Variants in TSC2 observed in about 807,000 individuals in gnomAD.
The protein encoded by TSC2 is tuberin.
A neutral mutation model predicts 202.2 loss-of-function variants in TSC2; 29 were observed. The observed-to-expected ratio is 0.14, with a 90% CI of 0.11 to 0.20. The LOEUF is 0.20. Among genes scored for constraint, TSC2 ranks in the 10% least tolerant of loss-of-function variants. The pLI, the probability that TSC2 is intolerant of heterozygous loss-of-function variation, is 1.00. For synonymous variants in TSC2, 1,349 were observed against 1,044.0 expected (o/e 1.29, Z -5.63); for missense variants, 2,429 against 2,420.0 (o/e 1.00, Z -0.08).
chr16:2,063,363 C>A (rs1288288500), intron 14 of TSC2: 10 of 529,606 alleles, frequency 1.9e-5, no homozygotes, highest in Non-Finnish European at 3.4e-5. Flanking sequence ...TCGTTTCAGC[C>A]AGTCTTGCAT....
rs2090868794 is a variant in TSC2, at chr16:2,086,859, T to G, written c.4977T>G (p.Leu1659=). The part of the protein sequence containing the change: ...VYNDSGEDFK[L]GTIKGQFNFV... ...ATGACTCCGGTGAGGACTTCAAGCT[T>G]GGCACCATCAAGGTGAGTGAGGGGC... Residue 1659 remains leucine, a synonymous_variant, in exon 38 of 42, where the codon CTT becomes CTG. Transcript: ENST00000219476. 1 of 1,594,202 alleles carries G rather than the reference T, an allele frequency of 6.3e-7. No individual in the cohort carries two copies. The highest frequency in any genetic ancestry group is 1.3e-5 in the African/African-American group (1 of 74,480).
chr16:2,061,266 C>T (rs1369829800), intron 11 of TSC2: 3 of 301,178 alleles, frequency 1.0e-5, no homozygotes, highest in East Asian at 1.7e-4. Context: ...GGCTAGTATC[C>T]AGCAGCCTCA....
At chr16:2,077,236 G>A (rs2089518932) in intron 25 of TSC2, among the ~76,000 whole-genome samples, 1 of 152,244 alleles carries the variant, frequency 6.6e-6, no homozygotes, top group Admixed American at 6.5e-5. Flanking sequence ...CTCGGTCAGA[G>A]CTGGGCGGTG....
At chr16:2,065,345 G>A (rs569889598) in intron 15 of TSC2, 174 bp from the exon 16 acceptor site, 13 of 650,462 alleles carry the variant, frequency 2.0e-5, no homozygotes, top group Middle Eastern at 4.1e-4. Flanking sequence ...CCTGGGAGGC[G>A]GAGCTTGTAG....
intron 32 of TSC2, chr16:2,082,997 G>A (rs2090322259): frequency 2.4e-6 from 1 of 415,370 alleles, no homozygotes; most frequent in Non-Finnish European, 4.9e-6. Context: ...GGGGAGTGCT[G>A]TGACCTGCAT....
At position 2,048,498 on chromosome 16, in the gene TSC2, A is replaced by T. The variant is rs573308920; in HGVS notation, c.-29-89A>T. 2.4e-4 allele frequency: 363 copies of T among 1,528,348 alleles called. 1 individual carries two copies. In the African/African-American group the frequency reaches 4.6e-3, roughly 19 times the overall value. 94.7% of individuals were successfully genotyped at this position (1,528,348 alleles called of 1,614,324 possible). On this transcript the variant is annotated intron_variant, in intron 1 of 41. Coordinates refer to ENST00000219476, the MANE Select transcript of TSC2 (RefSeq NM_000548.5). ...GGAGGAAAGGTTATGCCCACCAGAG[A>T]CCCAGGGTCCTGACGGCTGGAGGTC... is the stretch of plus-strand genomic sequence containing the variant.
chr16:2,061,674 G>A (rs1040250049), intron 11 of TSC2, 197 bp from the exon 12 acceptor site: 1 of 851,104 alleles, frequency 1.2e-6, no homozygotes, highest in Non-Finnish European at 1.9e-6. Flanking sequence ...GGTGGCCCCT[G>A]GAGAGGATCT....
chr16:2,057,448 C>T (rs894744815), intron 9 of TSC2, among the ~76,000 whole-genome samples: 1 of 152,170 alleles, frequency 6.6e-6, no homozygotes, highest in Non-Finnish European at 1.5e-5. Context: ...ACTACTTAGC[C>T]TGTTACAAGG....
rs1277430773 is a variant in TSC2, at chr16:2,075,848, T to C, written c.2595T>C (p.Tyr865=). ...ACAGGAACTTTGCCGCGGAGCAGTA[T>C]GCCAGTGTGTTCGCCATCTCCCTGC... The part of the protein sequence containing the change: ...HLYRNFAAEQ[Y]ASVFAISLPY... The change falls in exon 23 of 42, where the codon TAT becomes TAC. Residue 865 remains tyrosine (Y), a synonymous_variant. Coordinates refer to ENST00000219476, the MANE Select transcript of TSC2 (RefSeq NM_000548.5). 2.5e-6 allele frequency: 4 copies of C among 1,613,004 alleles called. No individual in the cohort carries two copies. In the Admixed American group the frequency reaches 6.7e-5, roughly 27 times the overall value.
rs1049520971 is a variant in TSC2 at position 2,053,578 on chromosome 16, G to A, written c.336+126G>A. On this transcript the variant is annotated intron_variant, in intron 4 of 41. Transcript: ENST00000219476. ...GGGCACAGGGTCTAGGGGCTGATGG[G>A]CTCTGGAGCTGGATGGCCTGTGGGG... 1.1e-5 allele frequency: 11 copies of A among 975,512 alleles called. No homozygotes were observed. In the Middle Eastern group the frequency reaches 8.2e-4, roughly 73 times the overall value. 60.4% of individuals were successfully genotyped at this position (975,512 alleles called of 1,614,324 possible).
intron 8 of TSC2, 163 bp from the exon 9 acceptor site, chr16:2,056,942 G>A: frequency 7.2e-7 from 1 of 1,382,792 alleles, no homozygotes; most frequent in Non-Finnish European, 1.0e-6. Context: ...GGTTTTGGTG[G>A]CATTTTGAGA....
rs1336362677 is a variant in TSC2 at position 2,053,381 on chromosome 16, T to C, written c.265T>C (p.Leu89=). ...EALWKAVADL[L]QPERPLEARH... is the part of the protein sequence containing the mutation. ...ACTCTGGAAGGCGGTCGCGGATCTG[T>C]TGCAGCCGGAGCGGCCGCTGGAGGC... The change falls in exon 4 of 42, where the codon TTG becomes CTG. Residue 89 remains leucine (L), a synonymous_variant. Transcript: ENST00000219476. The C allele has an allele frequency of 6.3e-7, 1 of 1,592,700 alleles. No homozygotes were observed. Among genetic ancestry groups the C allele is most frequent in the Admixed American group, 1.7e-5 (1 of 57,178 alleles).
intron 38 of TSC2, among the ~76,000 whole-genome samples, chr16:2,087,659 A>G (rs2091005604): frequency 1.3e-5 from 2 of 152,140 alleles, no homozygotes. Context: ...TGGCTGCAGC[A>G]TATGTGGGTG....
At position 2,083,824 on chromosome 16, in the gene TSC2, T is replaced by C. The variant is rs1337353756; in HGVS notation, c.4005+8T>C. On this transcript the variant is annotated splice_region_variant and intron_variant, in intron 33 of 41. Coordinates refer to ENST00000219476, the MANE Select transcript of TSC2 (RefSeq NM_000548.5). ...ACGGATGCCTACAGCAGGGTGAGTG[T>C]GGCTCAGAGCCTGGACCCTGCTGAC... 1 of 1,609,852 alleles carries C rather than the reference T, an allele frequency of 6.2e-7. No homozygotes were observed. Among genetic ancestry groups the C allele is most frequent in the East Asian group, 2.2e-5 (1 of 44,796 alleles).
intron 10 of TSC2, among the ~76,000 whole-genome samples, chr16:2,059,343 T>C (rs1263589564): frequency 6.8e-5 from 10 of 147,686 alleles, no homozygotes; most frequent in Non-Finnish European, 1.2e-4. Flanking sequence ...TCTCTCTTTT[T>C]TTTTTTTTTT....
chr16:2,070,554 A>G lies in TSC2; in HGVS notation c.1815A>G (p.Pro605=), dbSNP rs961687056. The G allele has an allele frequency of 2.5e-6, 4 of 1,613,056 alleles. No individual in the cohort carries two copies. The African/African-American group carries it at 4.0e-5, about 16-fold the overall frequency. Residue 605 remains proline (P), a synonymous_variant, in exon 17 of 42, where the codon CCA becomes CCG. Transcript: ENST00000219476. The part of the protein sequence containing the change: ...QLHYKHSYTL[P]IASSIRLQAF... ...ACTACAAGCACAGCTACACCCTGCC[A>G]ATCGCGAGCAGCATCCGGCTGCAGG... is the stretch of plus-strand genomic sequence containing the variant.
intron 16 of TSC2, among the ~76,000 whole-genome samples, chr16:2,069,558 C>G (rs1035404587): frequency 1.3e-5 from 2 of 151,682 alleles, no homozygotes; most frequent in African/African-American, 4.9e-5. Context: ...CGGCTCACTG[C>G]AAGCTCTGCC....
In TSC2 at chr16:2,048,078, C is replaced by A. The variant is rs2084568724; in HGVS notation, c.-30+13C>A. The A allele has an allele frequency of 1.1e-5, 15 of 1,424,268 alleles. No homozygotes were observed. The highest frequency in any genetic ancestry group is 1.6e-5 in the African/African-American group (1 of 64,472). 88.2% of individuals were successfully genotyped at this position (1,424,268 alleles called of 1,614,324 possible). On this transcript the variant is annotated intron_variant, in intron 1 of 41. Coordinates refer to ENST00000219476, the MANE Select transcript of TSC2 (RefSeq NM_000548.5). ...GGCGCGGCGCGGGGTAAGTGGCGGT[C>A]CCCACGGGGCAAGTGGCGGTCCCCA... is the stretch of plus-strand genomic sequence containing the variant.
intron 19 of TSC2, 60 bp downstream of exon 19, chr16:2,071,994 C>T (rs2151310899): frequency 6.6e-7 from 1 of 1,515,978 alleles, no homozygotes; most frequent in Non-Finnish European, 8.8e-7. Context: ...CAGGGAGCTG[C>T]CACCTGCCTG....
Sources: gnomAD v4.1 joint callset for allele counts (sites outside exome capture counted in the v4.1 genomes callset) on GRCh38, gnomAD v4.1.1 for gene constraint, MANE v1.5 for transcripts, NCBI Gene and HGNC (gene_info 2026-07-23, HGNC 2026-07-21) for gene names.